The following SLX9 variants were observed in gnomAD, a reference collection of about 807,000 sequenced individuals.
The protein encoded by SLX9 is ribosome biogenesis protein SLX9 homolog.
A neutral mutation model predicts 20.8 loss-of-function variants in SLX9; 19 were observed. That is an observed-to-expected ratio of 0.91 (90% CI 0.64 to 1.34). The LOEUF (loss-of-function observed/expected upper bound fraction) is 1.34. Among genes scored for constraint, SLX9 ranks in the 40% most tolerant of loss-of-function variants. The probability of loss-of-function intolerance (pLI) is 0.00; values close to 1 mark genes in which losing one functional copy is unlikely to be tolerated. For missense variants in SLX9, 299 were observed against 322.2 expected (o/e 0.93, Z 0.55); for synonymous variants, 113 against 137.1 (o/e 0.82, Z 1.23).
At chr21:44,939,741 GC>G (rs1207052496), upstream of SLX9, 2 of 528,286 alleles carry the variant, frequency 3.8e-6, no homozygotes, top group Non-Finnish European at 7.3e-6. Flanking sequence ...CTCGACTGCC[GC>G]GGGGGTCGCG....
At chr21:44,945,601 C>T (rs746322289) in intron 2 of SLX9, among the ~76,000 whole-genome samples, 13 of 152,266 alleles carry the variant, frequency 8.5e-5, no homozygotes, top group Non-Finnish European at 1.6e-4. Context: ...AGGGAAACTC[C>T]TCTTTAGCAA....
intron 4 of SLX9, among the ~76,000 whole-genome samples, chr21:44,971,290 C>T (rs1165674271): frequency 6.6e-6 from 1 of 152,200 alleles, no homozygotes; most frequent in East Asian, 1.9e-4. Flanking sequence ...TGCTGTTAGG[C>T]CTCGTGGAGT....
intron 2 of SLX9, among the ~76,000 whole-genome samples, chr21:44,949,152 G>GT (rs1351453274): frequency 3.3e-5 from 5 of 152,186 alleles, no homozygotes; most frequent in African/African-American, 1.2e-4. Flanking sequence ...GTCTGCAAGG[G>GT]TAAGAGTGCA....
chr21:44,956,433 A>T (rs913442813), intron 2 of SLX9, among the ~76,000 whole-genome samples: 11 of 152,142 alleles, frequency 7.2e-5, no homozygotes, highest in African/African-American at 2.7e-4. Context: ...GATGCATTTC[A>T]GCTTGCATTC....
rs929638728 is a variant in SLX9 at position 44,949,386 on chromosome 21, C to T, written c.283+5549C>T. Among the ~76,000 whole-genome samples the T allele has an allele frequency of 2.0e-5, 3 of 152,226 alleles. No homozygotes were observed. In the East Asian group the frequency reaches 5.8e-4, roughly 29 times the overall value. On this transcript the variant is annotated intron_variant, in intron 2 of 5. Coordinates refer to ENST00000291634, the MANE Select transcript of SLX9 (RefSeq NM_058190.4). Reference sequence around the variant, plus strand: ...TGGGGTGGATCCTAGGGATGCAGCCCAGGCGGCCCTGCACCATAGCCTCCT... The same window carrying T: ...TGGGGTGGATCCTAGGGATGCAGCCTAGGCGGCCCTGCACCATAGCCTCCT...
intron 3 of SLX9, among the ~76,000 whole-genome samples, chr21:44,960,966 C>T (rs1391537992): frequency 6.6e-6 from 1 of 151,844 alleles, no homozygotes; most frequent in Non-Finnish European, 1.5e-5. Context: ...TTATTTTTTC[C>T]TTGGAGGTTT....
chr21:44,940,672 A>AAT (rs372771383), intron 1 of SLX9, among the ~76,000 whole-genome samples: 3 of 146,098 alleles, frequency 2.1e-5, no homozygotes, highest in Admixed American at 2.0e-4. Context: ...TGCTTTCAGG[A>AAT]TTTTTTTTTT....
chr21:44,970,154 G>C (rs9982197), intron 4 of SLX9, among the ~76,000 whole-genome samples: 1 of 152,202 alleles, frequency 6.6e-6, no homozygotes, highest in Non-Finnish European at 1.5e-5. Flanking sequence ...CCCTGGCCTC[G>C]GGGTGGGGGT....
chr21:44,943,370 G>A (rs973830709), intron 1 of SLX9, among the ~76,000 whole-genome samples: 1 of 152,230 alleles, frequency 6.6e-6, no homozygotes, highest in African/African-American at 2.4e-5. Context: ...GAAAGAGTAA[G>A]ACGAAATGGT....
In SLX9 at chr21:44,959,205, T is replaced by G. The variant is rs1255759173; in HGVS notation, c.284-895T>G. 3 of 985,328 alleles carry G rather than the reference T, an allele frequency of 3.0e-6. No homozygotes were observed. In the African/African-American group the frequency reaches 5.2e-5, roughly 17 times the overall value. The allele number at this position is 985,328 out of a possible 1,614,324, so 61.0% of individuals were successfully genotyped here. On this transcript the variant is annotated intron_variant, in intron 2 of 5. Coordinates refer to ENST00000291634, the MANE Select transcript of SLX9 (RefSeq NM_058190.4). ...CCTTTCTCCAGGCAGGGCTTGCTTC[T>G]GCTTTGTTTTTCATTAGACATGGTG...
intron 2 of SLX9, among the ~76,000 whole-genome samples, chr21:44,946,703 G>A (rs1403527246): frequency 6.6e-6 from 1 of 152,244 alleles, no homozygotes; most frequent in Non-Finnish European, 1.5e-5. Context: ...CAGCCCTCCT[G>A]GAGCGAGGCC....
rs144697365 is a variant in SLX9 at position 44,976,690 on chromosome 21, A to G, written c.580A>G (p.Arg194Gly). Residue 194 changes from arginine to glycine, a missense_variant, in exon 6 of 6, where the codon AGG becomes GGG. Transcript: ENST00000291634. Reference protein sequence around the residue: ...AQRQQLLEEERTRFQELLASP... With the variant: ...AQRQQLLEEEGTRFQELLASP... ...TCTCCATTCTTTCAGCGAGGAAGAA[A>G]GGACCCGGTTTCAGGAGCTGCTGGC... is the stretch of plus-strand genomic sequence containing the variant. The G allele has an allele frequency of 8.7e-5, 138 of 1,581,602 alleles. No individual in the cohort carries two copies. The African/African-American group carries it at 1.8e-3, about 21-fold the overall frequency.
At position 44,971,709 on chromosome 21, in the gene SLX9, C is replaced by T. The variant is rs1261218152; in HGVS notation, c.501-1488C>T. Among the ~76,000 whole-genome samples the T allele has an allele frequency of 5.3e-5, 8 of 152,202 alleles. No individual in the cohort carries two copies. In the East Asian group the frequency reaches 1.4e-3, roughly 26 times the overall value. ...GGGTGCACCTAGAGGAGGGGCCCCACGCTGATGGCTTCTGCAAGGATGGGG... is the reference window on the plus strand; with the variant it reads ...GGGTGCACCTAGAGGAGGGGCCCCATGCTGATGGCTTCTGCAAGGATGGGG... On this transcript the variant is annotated intron_variant, in intron 4 of 5. Coordinates refer to ENST00000291634, the MANE Select transcript of SLX9 (RefSeq NM_058190.4).
At chr21:44,952,619 G>A (rs562427018) in intron 2 of SLX9, among the ~76,000 whole-genome samples, 9 of 152,218 alleles carry the variant, frequency 5.9e-5, no homozygotes, top group Non-Finnish European at 1.3e-4. Context: ...GTGGCCCCAC[G>A]CCCAGCAGAG....
chr21:44,976,696 C>T lies in SLX9; in HGVS notation c.586C>T (p.Arg196Trp), dbSNP rs1163231281. ...TTCTTTCAGCGAGGAAGAAAGGACCCGGTTTCAGGAGCTGCTGGCCAGTCC... is the reference window on the plus strand; with the variant it reads ...TTCTTTCAGCGAGGAAGAAAGGACCTGGTTTCAGGAGCTGCTGGCCAGTCC... ...RQQLLEEERT[R>W]FQELLASPAY... Residue 196 changes from arginine (R) to tryptophan (W), a missense_variant, in exon 6 of 6, where the codon CGG (arginine) becomes TGG (tryptophan). By Grantham distance (101) the Arg-to-Trp change is moderately radical. Transcript: ENST00000291634. 33 of 1,580,358 alleles carry T rather than the reference C, an allele frequency of 2.1e-5. No homozygotes were observed. The highest frequency in any genetic ancestry group is 6.9e-5 in the South Asian group (6 of 86,966).
chr21:44,968,382 A>G (rs2085079497), intron 4 of SLX9, among the ~76,000 whole-genome samples: 1 of 152,258 alleles, frequency 6.6e-6, no homozygotes, highest in Non-Finnish European at 1.5e-5. Context: ...CAATGTGGAC[A>G]GTGTTCCATG....
intron 5 of SLX9, among the ~76,000 whole-genome samples, chr21:44,974,058 G>T (rs141484504): frequency 5.3e-4 from 81 of 152,366 alleles, no homozygotes; most frequent in African/African-American, 1.8e-3. Flanking sequence ...TTTGTACTCA[G>T]TTGTCCTCTT....
chr21:44,952,041 A>G (rs1426614496), intron 2 of SLX9, among the ~76,000 whole-genome samples: 1 of 147,566 alleles, frequency 6.8e-6, no homozygotes, highest in Non-Finnish European at 1.5e-5. Flanking sequence ...CTAAGCCTTC[A>G]TCGGATTAAA....
chr21:44,971,365 C>T (rs968950456), intron 4 of SLX9, among the ~76,000 whole-genome samples: 2 of 101,544 alleles, frequency 2.0e-5, no homozygotes, highest in Non-Finnish European at 3.9e-5. Flanking sequence ...GTCCCCGGGG[C>T]CCTGAACTCC....
Sources: gnomAD v4.1 joint callset for allele counts (sites outside exome capture counted in the v4.1 genomes callset) on GRCh38, gnomAD v4.1.1 for gene constraint, MANE v1.5 for transcripts, NCBI Gene and HGNC (gene_info 2026-07-23, HGNC 2026-07-21) for gene names.